The following LNPEP variants were observed in gnomAD, a reference collection of about 807,000 sequenced individuals.
LNPEP encodes the protein leucyl and cystinyl aminopeptidase.
LNPEP carries 64 observed loss-of-function variants against 120.6 expected under a neutral mutation model. The observed-to-expected ratio is 0.53, with a 90% CI of 0.43 to 0.65. The LOEUF (loss-of-function observed/expected upper bound fraction) is 0.65. Among genes scored for constraint, LNPEP ranks in the 30% least tolerant of loss-of-function variants. The pLI, the probability that LNPEP is intolerant of heterozygous loss-of-function variation, is 0.00. For missense variants in LNPEP, 1,057 were observed against 1,200.0 expected (o/e 0.88, Z 1.76); for synonymous variants, 435 against 425.4 (o/e 1.02, Z -0.28).
At chr5:96,948,551 C>A (rs1789247778) in intron 1 of LNPEP, among the ~76,000 whole-genome samples, 1 of 152,202 alleles carries the variant, frequency 6.6e-6, no homozygotes, top group Non-Finnish European at 1.5e-5. Flanking sequence ...CAAATAGATA[C>A]ATTAAATGCA....
At position 96,976,762 on chromosome 5, in the gene LNPEP, T is replaced by A. The variant is rs1033773500; in HGVS notation, c.20-2376T>A. On this transcript the variant is annotated intron_variant, in intron 1 of 17. Coordinates refer to ENST00000231368, the MANE Select transcript of LNPEP (RefSeq NM_005575.3). Reference sequence around the variant, plus strand: ...GACATTTTTAAATTAAAAAAAAAAATTAAGCTAGTCTACAGCAGTGTGCCA... The same window carrying A: ...GACATTTTTAAATTAAAAAAAAAAAATAAGCTAGTCTACAGCAGTGTGCCA... Among the ~76,000 whole-genome samples, 4 of 150,958 alleles carry A rather than the reference T, an allele frequency of 2.6e-5. 1 individual carries two copies. The highest frequency in any genetic ancestry group is 5.9e-5 in the Non-Finnish European group (4 of 67,890).
Position 96,987,792 on chromosome 5 carries a change from A to T in LNPEP, c.1131+1122A>T, listed in dbSNP as rs533068725. ...GATTTTTCAGAATCCTTTCAAAAGG[A>T]TATTATAACTGGCTTAAATCTGAAA... On this transcript the variant is annotated intron_variant, in intron 4 of 17. Coordinates refer to ENST00000231368, the MANE Select transcript of LNPEP (RefSeq NM_005575.3). 2.6e-5 allele frequency among the ~76,000 whole-genome samples: 4 copies of T among 152,346 alleles called. No individual in the cohort carries two copies. The South Asian group carries it at 8.3e-4, about 32-fold the overall frequency.
At chr5:96,954,556 T>C (rs1789394546) in intron 1 of LNPEP, among the ~76,000 whole-genome samples, 1 of 149,672 alleles carries the variant, frequency 6.7e-6, no homozygotes, top group South Asian at 2.1e-4. Flanking sequence ...AAAATCAGAG[T>C]GCTGAAGTGT....
At chr5:96,997,952 A>T in intron 7 of LNPEP, 62 bp from the exon 8 acceptor site, 2 of 1,198,482 alleles carry the variant, frequency 1.7e-6, no homozygotes, top group Non-Finnish European at 2.3e-6. Context: ...CACATAAATA[A>T]TTTACTATAC....
At chr5:97,008,743 C>A (rs1313181717) in intron 11 of LNPEP, among the ~76,000 whole-genome samples, 1 of 149,274 alleles carries the variant, frequency 6.7e-6, no homozygotes, top group Non-Finnish European at 1.5e-5. Flanking sequence ...CAGCTCACTG[C>A]AAGCTCCGCC....
intron 1 of LNPEP, among the ~76,000 whole-genome samples, chr5:96,941,367 T>C (rs1354654197): frequency 1.3e-5 from 2 of 152,206 alleles, no homozygotes; most frequent in Non-Finnish European, 2.9e-5. Context: ...GTCTGTGGCC[T>C]TGGGGTTGGG....
At chr5:96,947,262 A>G (rs776628782) in intron 1 of LNPEP, among the ~76,000 whole-genome samples, 2 of 152,212 alleles carry the variant, frequency 1.3e-5, no homozygotes, top group Non-Finnish European at 2.9e-5. Flanking sequence ...AAGAAATACT[A>G]TGGAATATAA....
intron 6 of LNPEP, 83 bp downstream of exon 6, chr5:96,994,054 A>G (rs1790452396): frequency 2.6e-6 from 3 of 1,158,810 alleles, no homozygotes; most frequent in Non-Finnish European, 3.6e-6. Flanking sequence ...AGATGCTAAT[A>G]ATTCTTTTTT....
chr5:96,941,525 T>C (rs1211921051), intron 1 of LNPEP, among the ~76,000 whole-genome samples: 4 of 152,184 alleles, frequency 2.6e-5, no homozygotes, highest in Non-Finnish European at 1.5e-5. Context: ...CAGCAACTTT[T>C]CTGAAAGTTT....
intron 13 of LNPEP, among the ~76,000 whole-genome samples, chr5:97,019,486 T>G (rs1791139676): frequency 6.6e-6 from 1 of 152,196 alleles, no homozygotes; most frequent in Non-Finnish European, 1.5e-5. Context: ...TTTTACTTTA[T>G]TATGTTATAA....
At position 96,998,039 on chromosome 5, in the gene LNPEP, T is replaced by A; in HGVS notation, c.1547T>A (p.Phe516Tyr). Residue 516 changes from phenylalanine to tyrosine, a missense_variant, in exon 8 of 18, where the codon TTT (phenylalanine) becomes TAT (tyrosine). Physicochemically the swap from Phe to Tyr is conservative, Grantham distance 22 (BLOSUM62 3). Transcript: ENST00000231368. Reference sequence around the variant, plus strand: ...TATGAAGATTTCTTAGATGCTCGATTTAAAACCATGAAGAAAGATTCCTTA... The same window carrying A: ...TATGAAGATTTCTTAGATGCTCGATATAAAACCATGAAGAAAGATTCCTTA... ...SSYEDFLDAR[F>Y]KTMKKDSLNS... 2.5e-6 allele frequency: 4 copies of A among 1,582,236 alleles called. No homozygotes were observed. Among genetic ancestry groups the A allele is most frequent in the Non-Finnish European group, 3.5e-6 (4 of 1,156,880 alleles).
At chr5:96,954,713 C>CATATAT (rs1474883610) in intron 1 of LNPEP, among the ~76,000 whole-genome samples, 2 of 57,006 alleles carry the variant, frequency 3.5e-5, no homozygotes, top group African/African-American at 1.7e-4. Context: ...CATATATACA[C>CATATAT]ATATATATAC....
In LNPEP at chr5:97,022,389, C is replaced by T. The variant is rs746946548; in HGVS notation, c.2466C>T (p.Ala822=). ...GTPSMRELRS[A]LLEFACTHNL... ...CATCTATGCGAGAGCTTCGGTCAGCCCTGCTAGAGTTTGCTTGCACCCACA... is the reference window on the plus strand; with the variant it reads ...CATCTATGCGAGAGCTTCGGTCAGCTCTGCTAGAGTTTGCTTGCACCCACA... Residue 822 remains alanine (A), a synonymous_variant, in exon 14 of 18, where the codon GCC becomes GCT. Transcript: ENST00000231368. 1.9e-6 allele frequency: 3 copies of T among 1,613,866 alleles called. No individual in the cohort carries two copies. The highest frequency in any genetic ancestry group is 2.5e-6 in the Non-Finnish European group (3 of 1,179,826).
intron 1 of LNPEP, among the ~76,000 whole-genome samples, chr5:96,953,371 G>A (rs1004322067): frequency 3.9e-5 from 6 of 152,182 alleles, no homozygotes; most frequent in Admixed American, 2.6e-4. Context: ...GTCTTTTATT[G>A]TGTCCTTTTC....
intron 6 of LNPEP, among the ~76,000 whole-genome samples, chr5:96,995,526 C>CTT (rs887117227): frequency 1.4e-5 from 2 of 145,266 alleles, no homozygotes. Context: ...TATATGCCAT[C>CTT]TTTTTTTTTT....
At position 97,033,823 on chromosome 5, in the gene LNPEP, T is replaced by G. The variant is rs1791519404; in HGVS notation, c.*5290T>G. ...AGTGTTTCATTGGGTACCCGGTCCT[T>G]CACTTGGATGTGTAGGTTCCTAATG... On this transcript the variant is annotated 3_prime_UTR_variant, in exon 18 of 18. Transcript: ENST00000231368. 6.6e-6 allele frequency: 1 copy of G among 152,172 alleles called. No individual in the cohort carries two copies. The highest frequency in any genetic ancestry group is 6.6e-5 in the Admixed American group (1 of 15,266). 9.4% of individuals were successfully genotyped at this position (152,172 alleles called of 1,614,324 possible).
rs1791539387 is a variant in LNPEP at position 97,034,714 on chromosome 5, A to G, written c.*6181A>G. 2 of 152,162 alleles carry G rather than the reference A, an allele frequency of 1.3e-5. No homozygotes were observed. Among genetic ancestry groups the G allele is most frequent in the South Asian group, 4.2e-4 (2 of 4,812 alleles). 9.4% of individuals were successfully genotyped at this position (152,162 alleles called of 1,614,324 possible). A position where few individuals can be genotyped will look rare whatever the true frequency, so the allele number is the denominator to read the frequency against. On this transcript the variant is annotated 3_prime_UTR_variant, in exon 18 of 18. Transcript: ENST00000231368. ...GATTGTTGAGAGGAAAAGGCAAGAT[A>G]TATAATTTTTTTAATGTATATAAAT...
intron 11 of LNPEP, chr5:97,010,974 A>G: frequency 1.0e-6 from 1 of 985,308 alleles, no homozygotes; most frequent in Non-Finnish European, 1.2e-6. Context: ...GTACTGCTTT[A>G]TGTTGTGTCA....
intron 14 of LNPEP, among the ~76,000 whole-genome samples, 190 bp downstream of exon 14, chr5:97,022,674 A>G (rs1243079936): frequency 1.3e-5 from 2 of 151,052 alleles, no homozygotes; most frequent in Admixed American, 6.6e-5. Context: ...TTTAGGGTAC[A>G]TGTGCACAAT....
Sources: gnomAD v4.1 joint callset for allele counts (sites outside exome capture counted in the v4.1 genomes callset) on GRCh38, gnomAD v4.1.1 for gene constraint, MANE v1.5 for transcripts, NCBI Gene and HGNC (gene_info 2026-07-23, HGNC 2026-07-21) for gene names.